The following MTO1 variants were observed in gnomAD, a reference collection of about 807,000 sequenced individuals.
MTO1 encodes the protein 5-taurinomethyluridine-[tRNA] synthase subunit MTO1, mitochondrial.
In MTO1, 46 loss-of-function variants were observed where a neutral mutation model predicts 71.6. That is an observed-to-expected ratio of 0.64 (90% CI 0.51 to 0.82). The LOEUF is 0.82. Ranked by LOEUF, MTO1 falls within the 40% of genes least tolerant of loss-of-function variation. The pLI is 0.00. For missense variants in MTO1, 773 were observed against 867.5 expected (o/e 0.89, Z 1.37); for synonymous variants, 297 against 312.1 (o/e 0.95, Z 0.51).
chr6:73,488,453 G>A (rs1403293376), intron 9 of MTO1, among the ~76,000 whole-genome samples: 3 of 152,096 alleles, frequency 2.0e-5, no homozygotes, highest in Non-Finnish European at 4.4e-5. Context: ...GATTACAGAC[G>A]TAGTCACCAT....
At chr6:73,498,734 T>C (rs746937829) in intron 11 of MTO1, among the ~76,000 whole-genome samples, 2 of 152,020 alleles carry the variant, frequency 1.3e-5, no homozygotes, top group African/African-American at 4.8e-5. Flanking sequence ...ATTGCATCTT[T>C]TTTTTTTTTG....
intron 3 of MTO1, among the ~76,000 whole-genome samples, chr6:73,472,490 C>T (rs965288352): frequency 6.6e-6 from 1 of 152,146 alleles, no homozygotes; most frequent in African/African-American, 2.4e-5. Context: ...ATTGTATTCT[C>T]TCTCCTAGAT....
At chr6:73,472,173 A>G (rs190234247) in intron 3 of MTO1, among the ~76,000 whole-genome samples, 18 of 152,274 alleles carry the variant, frequency 1.2e-4, no homozygotes, top group African/African-American at 4.3e-4. Flanking sequence ...TTCAGATATT[A>G]ATACTTAAGT....
At position 73,466,577 on chromosome 6, in the gene MTO1, G is replaced by A. The variant is rs1337367299; in HGVS notation, c.506G>A (p.Gly169Glu). The A allele has an allele frequency of 6.2e-7, 1 of 1,614,034 alleles. No homozygotes were observed. Among genetic ancestry groups the A allele is most frequent in the Non-Finnish European group, 8.5e-7 (1 of 1,179,972 alleles). ...ILTEPEPEHT[G>E]KCRVSGVVLV... ...ACAGAACCAGAGCCTGAACACACTGGGAAATGCCGTGTCAGTGGGGTTGTT... is the reference window on the plus strand; with the variant it reads ...ACAGAACCAGAGCCTGAACACACTGAGAAATGCCGTGTCAGTGGGGTTGTT... The change falls in exon 3 of 12, where the codon GGG (glycine) becomes GAG (glutamate). Residue 169 changes from glycine (G) to glutamate (E), a missense_variant. Gly to Glu is a moderately conservative substitution (Grantham distance 98). Transcript: ENST00000498286.
At chr6:73,473,113 C>T (rs1771197031) in intron 3 of MTO1, among the ~76,000 whole-genome samples, 1 of 152,186 alleles carries the variant, frequency 6.6e-6, no homozygotes, top group African/African-American at 2.4e-5. Context: ...AACCCCATCT[C>T]TACTAAAAAT....
intron 4 of MTO1, among the ~76,000 whole-genome samples, chr6:73,474,233 C>T (rs1439711781): frequency 2.0e-5 from 3 of 151,606 alleles, no homozygotes; most frequent in Admixed American, 1.3e-4. Flanking sequence ...TACAGGCACG[C>T]GCCACCACAC....
At chr6:73,480,919 A>G in intron 7 of MTO1, 114 bp downstream of exon 7, 1 of 1,178,582 alleles carries the variant, frequency 8.5e-7, no homozygotes, top group Non-Finnish European at 1.2e-6. Flanking sequence ...TACTAATAGA[A>G]GACAATTTAT....
At chr6:73,469,944 G>A (rs1771101783) in intron 3 of MTO1, among the ~76,000 whole-genome samples, 1 of 152,074 alleles carries the variant, frequency 6.6e-6, no homozygotes, top group Non-Finnish European at 1.5e-5. Flanking sequence ...GGTGCGGGTT[G>A]TGGTAAGCCG....
rs1038027820 is a variant in MTO1, at chr6:73,501,770, G to C, written c.*1035G>C. On this transcript the variant is annotated 3_prime_UTR_variant, in exon 12 of 12. Transcript: ENST00000498286. ...ATCTCTGGTGTCAGCCTAGGGAGAA[G>C]CTCCCGTGTCACCTTCGGGCCAAAG... The C allele has an allele frequency of 2.6e-5, 4 of 152,206 alleles. No homozygotes were observed. Among genetic ancestry groups the C allele is most frequent in the African/African-American group, 9.7e-5 (4 of 41,436 alleles). The allele number at this position is 152,206 out of a possible 1,614,324, so 9.4% of individuals were successfully genotyped here.
chr6:73,471,206 C>CTT (rs11384040), intron 3 of MTO1, among the ~76,000 whole-genome samples: 40 of 144,104 alleles, frequency 2.8e-4, no homozygotes, highest in East Asian at 6.0e-4. Context: ...GGAGGCCATG[C>CTT]TTTTTTTTTT....
intron 9 of MTO1, among the ~76,000 whole-genome samples, chr6:73,483,881 C>A (rs1771583945): frequency 6.7e-6 from 1 of 150,258 alleles, no homozygotes; most frequent in African/African-American, 2.5e-5. Flanking sequence ...CGGGTTCAAG[C>A]AATTCTCCTG....
chr6:73,483,784 AT>A (rs35787647), intron 9 of MTO1, among the ~76,000 whole-genome samples: 19,659 of 104,042 alleles, frequency 0.19, 1,361 homozygotes, highest in Middle Eastern at 0.24. Flanking sequence ...ACACCTGGCT[AT>A]TTTTTTTTTT....
At chr6:73,478,236 C>A (rs1261556171) in intron 4 of MTO1, among the ~76,000 whole-genome samples, 1 of 145,460 alleles carries the variant, frequency 6.9e-6, no homozygotes, top group Non-Finnish European at 1.5e-5. Context: ...CAGAGCAAGA[C>A]TCTGTCTCAA....
rs1771829579 is a variant in MTO1 at position 73,492,237 on chromosome 6, T to C, written c.1641T>C (p.Ala547=). ...TGAAACTTTCATATATTTGCAGAGCTCTCGATGTTCTGAAGTATGAGGAAG... is the reference window on the plus strand; with the variant it reads ...TGAAACTTTCATATATTTGCAGAGCCCTCGATGTTCTGAAGTATGAGGAAG... ...ISTSRSLPVR[A]LDVLKYEEVD... The change falls in exon 10 of 12, where the codon GCT becomes GCC. Residue 547 remains alanine (A), a synonymous_variant. Transcript: ENST00000498286. 2.5e-6 allele frequency: 4 copies of C among 1,604,728 alleles called. No homozygotes were observed. The East Asian group carries it at 8.9e-5, about 36-fold the overall frequency.
chr6:73,485,013 C>T (rs1022289733), intron 9 of MTO1, among the ~76,000 whole-genome samples: 1 of 150,492 alleles, frequency 6.6e-6, no homozygotes, highest in East Asian at 1.9e-4. Context: ...CACCACTGCA[C>T]TCCAGCCTGC....
At chr6:73,480,228 A>G (rs903667683) in intron 6 of MTO1, 102 bp downstream of exon 6, 4 of 1,133,244 alleles carry the variant, frequency 3.5e-6, no homozygotes, top group African/African-American at 3.0e-5. Context: ...GCCTCAGAAG[A>G]TGAAGCCCAA....
At chr6:73,490,570 C>T (rs1208348911) in intron 9 of MTO1, among the ~76,000 whole-genome samples, 5 of 151,960 alleles carry the variant, frequency 3.3e-5, no homozygotes. Flanking sequence ...TGTCTTTGTG[C>T]CAGTACCATG....
Position 73,473,786 on chromosome 6 carries a change from A to AT in MTO1, c.825+150dup, listed in dbSNP as rs112494055. The AT allele has an allele frequency of 0.028, 12,761 of 459,934 alleles. 26 individuals are homozygous for AT. Among genetic ancestry groups the AT allele is most frequent in the African/African-American group, 0.032 (1,284 of 39,748 alleles). 28.5% of individuals were successfully genotyped at this position (459,934 alleles called of 1,614,324 possible). A position where few individuals can be genotyped will look rare whatever the true frequency, so the allele number is the denominator to read the frequency against. On this transcript the variant is annotated intron_variant, in intron 4 of 11. Coordinates refer to ENST00000498286, the MANE Select transcript of MTO1 (RefSeq NM_012123.4). ...CTATTGCTTATAGTGCAAAGAAATG[A>AT]TTTTTTTTTTTTTTTTTTGAGATAA...
chr6:73,477,934 C>T (rs548754647), intron 4 of MTO1, among the ~76,000 whole-genome samples: 1 of 152,114 alleles, frequency 6.6e-6, no homozygotes, highest in African/African-American at 2.4e-5. Flanking sequence ...GTGTAGAGGC[C>T]ACTTTTACCT....
Sources: allele counts gnomAD v4.1 joint callset (sites outside exome capture counted in the v4.1 genomes callset), GRCh38; gene constraint gnomAD v4.1.1; transcripts MANE v1.5; gene names NCBI Gene and HGNC (gene_info 2026-07-23, HGNC 2026-07-21).